Variants in PDE8A observed in about 807,000 individuals in gnomAD.
PDE8A encodes phosphodiesterase 8A, also known as high affinity cAMP-specific and IBMX-insensitive 3',5'-cyclic phosphodiesterase 8A.
PDE8A carries 59 observed loss-of-function variants against 105.0 expected under a neutral mutation model. The observed-to-expected ratio is 0.56, with a 90% CI of 0.46 to 0.70. PDE8A has a LOEUF of 0.70. Ranked by LOEUF, PDE8A falls within the 30% of genes least tolerant of loss-of-function variation. PDE8A has a pLI of 0.00. For synonymous variants in PDE8A, 355 were observed against 371.9 expected, an observed-to-expected ratio of 0.95 and a Z score of 0.52; for missense variants, 1,014 against 1,045.9, an observed-to-expected ratio of 0.97 and a Z score of 0.42.
chr15:84,986,982 T>C (rs1244156881), intron 1 of PDE8A, among the ~76,000 whole-genome samples: 1 of 152,168 alleles, frequency 6.6e-6, no homozygotes, highest in African/African-American at 2.4e-5. Context: ...CTGACTGATT[T>C]TTTTCCTCCA....
At chr15:85,100,227 T>A (rs1209408922) in intron 11 of PDE8A, 29 bp downstream of exon 11, 1 of 1,581,480 alleles carries the variant, frequency 6.3e-7, no homozygotes, top group African/African-American at 1.4e-5. Context: ...ATTCTTAGAG[T>A]TCATTGAGTT....
chr15:85,136,152 T>C (rs1240780490), intron 20 of PDE8A, among the ~76,000 whole-genome samples: 1 of 152,240 alleles, frequency 6.6e-6, no homozygotes, highest in African/African-American at 2.4e-5. Flanking sequence ...GCCTGCTCTG[T>C]GGACTCTAGG....
chr15:85,099,102 C>T (rs899601705), intron 9 of PDE8A, among the ~76,000 whole-genome samples: 3 of 152,150 alleles, frequency 2.0e-5, no homozygotes, highest in Non-Finnish European at 2.9e-5. Context: ...TGGCAGTGGC[C>T]GTTGTAGTAA....
intron 20 of PDE8A, among the ~76,000 whole-genome samples, chr15:85,129,731 G>A (rs188139719): frequency 4.7e-4 from 72 of 151,980 alleles, no homozygotes; most frequent in South Asian, 1.9e-3. Flanking sequence ...TTTTGCTAGC[G>A]TTAGGTTTAG....
intron 4 of PDE8A, among the ~76,000 whole-genome samples, chr15:85,076,497 C>T (rs1427248804): frequency 6.6e-6 from 1 of 151,472 alleles, no homozygotes; most frequent in Non-Finnish European, 1.5e-5. Flanking sequence ...CTCCTGTATT[C>T]CTGCTATTAA....
Position 85,089,382 on chromosome 15 carries a change from C to G in PDE8A, c.680C>G (p.Ala227Gly). The G allele has an allele frequency of 6.3e-7, 1 of 1,594,654 alleles. No homozygotes were observed. The highest frequency in any genetic ancestry group is 8.6e-7 in the Non-Finnish European group (1 of 1,164,736). ...VFTALENSED[A>G]IEITSEDRFI... ...ACTGCATTAGAAAACAGTGAAGATG[C>G]AATTGAAATTACAAGCGAAGACCGT... Residue 227 changes from alanine to glycine, a missense_variant, in exon 7 of 22, where the codon GCA becomes GGA. Ala to Gly is a moderately conservative substitution (Grantham distance 60). Transcript: ENST00000394553.
At chr15:85,016,670 G>C (rs190840) in intron 1 of PDE8A, among the ~76,000 whole-genome samples, 84,396 of 151,796 alleles carry the variant, frequency 0.56, 23,471 homozygotes, top group Non-Finnish European at 0.58. Flanking sequence ...TAATTAGCTT[G>C]TCTAGCTGTG....
chr15:85,125,306 G>C (rs970429159), intron 19 of PDE8A, among the ~76,000 whole-genome samples: 7 of 152,190 alleles, frequency 4.6e-5, no homozygotes, highest in Non-Finnish European at 2.9e-5. Flanking sequence ...AATGTTGCTT[G>C]ATGGGCACAG....
chr15:84,999,964 G>T (rs781384279), intron 1 of PDE8A, among the ~76,000 whole-genome samples: 10 of 152,142 alleles, frequency 6.6e-5, no homozygotes, highest in Non-Finnish European at 1.2e-4. Flanking sequence ...TATAAAACCT[G>T]TATAGAAATC....
chr15:85,002,426 A>C (rs2080081987), intron 1 of PDE8A, among the ~76,000 whole-genome samples: 1 of 152,240 alleles, frequency 6.6e-6, no homozygotes, highest in Non-Finnish European at 1.5e-5. Flanking sequence ...TCCCAAGCAC[A>C]GGAGCTTCAG....
At chr15:85,124,875 C>G (rs919468862) in intron 19 of PDE8A, among the ~76,000 whole-genome samples, 1 of 152,176 alleles carries the variant, frequency 6.6e-6, no homozygotes, top group African/African-American at 2.4e-5. Flanking sequence ...CTGGACAGCC[C>G]CTAGAGCTGA....
At chr15:85,069,035 A>C (rs556164680) in intron 3 of PDE8A, among the ~76,000 whole-genome samples, 2 of 152,324 alleles carry the variant, frequency 1.3e-5, no homozygotes, top group East Asian at 3.9e-4. Flanking sequence ...AATGTTTTAG[A>C]CTGAAAGTTA....
chr15:84,990,836 C>T (rs564098401), intron 1 of PDE8A, among the ~76,000 whole-genome samples: 1 of 152,256 alleles, frequency 6.6e-6, no homozygotes, highest in South Asian at 2.1e-4. Context: ...TCCAATATTA[C>T]ACTCATGCCA....
chr15:85,069,500 A>C (rs1043215661), intron 3 of PDE8A, among the ~76,000 whole-genome samples: 6 of 152,232 alleles, frequency 3.9e-5, no homozygotes, highest in East Asian at 1.9e-4. Context: ...CCCCCACCCC[A>C]GACATCTTTC....
At chr15:85,076,031 G>T in intron 4 of PDE8A, 113 bp downstream of exon 4, 2 of 569,576 alleles carry the variant, frequency 3.5e-6, no homozygotes, top group South Asian at 3.0e-5. Context: ...TTTGTAGTGT[G>T]GCCTTCTCTT....
At chr15:85,051,390 A>G (rs2080970084) in intron 1 of PDE8A, among the ~76,000 whole-genome samples, 1 of 152,190 alleles carries the variant, frequency 6.6e-6, no homozygotes, top group South Asian at 2.1e-4. Flanking sequence ...TTAGAGGAAA[A>G]GTCCTTTACC....
intron 17 of PDE8A, among the ~76,000 whole-genome samples, chr15:85,119,761 G>A (rs868606644): frequency 6.6e-6 from 1 of 151,932 alleles, no homozygotes; most frequent in African/African-American, 2.4e-5. Context: ...AAAATATTCT[G>A]AATAATTTGG....
intron 1 of PDE8A, among the ~76,000 whole-genome samples, chr15:85,002,000 C>T (rs577565256): frequency 3.9e-5 from 6 of 152,058 alleles, no homozygotes; most frequent in East Asian, 1.9e-4. Flanking sequence ...GATGGGGTCT[C>T]GCTATGTTGC....
chr15:85,032,300 A>G (rs2080628690), intron 1 of PDE8A, among the ~76,000 whole-genome samples: 2 of 152,240 alleles, frequency 1.3e-5, no homozygotes, highest in African/African-American at 2.4e-5. Flanking sequence ...TTCCTGATTA[A>G]TAACCTGTAG....
Sources: gnomAD v4.1 joint callset for allele counts (sites outside exome capture counted in the v4.1 genomes callset) on GRCh38, gnomAD v4.1.1 for gene constraint, MANE v1.5 for transcripts, NCBI Gene and HGNC (gene_info 2026-07-23, HGNC 2026-07-21) for gene names.